Variants in RARB observed in about 807,000 individuals in gnomAD.
RARB encodes HBV-activated protein.
A neutral mutation model predicts 51.9 loss-of-function variants in RARB; 17 were observed. The observed-to-expected ratio is 0.33, with a 90% CI of 0.22 to 0.49. RARB has a LOEUF of 0.49. RARB is among the 20% of genes least tolerant of loss of function. The pLI is 0.99. For synonymous variants in RARB, 215 were observed against 195.4 expected, an observed-to-expected ratio of 1.10 and a Z score of -0.84; for missense variants, 369 against 550.8, an observed-to-expected ratio of 0.67 and a Z score of 3.30.
intron 3 of RARB, among the ~76,000 whole-genome samples, chr3:25,074,529 T>C: frequency 6.6e-6 from 1 of 152,278 alleles, no homozygotes; most frequent in Middle Eastern, 3.4e-3. Context: ...ATCTACATAG[T>C]TATCTTTGAC....
rs191113823 is a variant in RARB, at chr3:25,295,999, T to C, written c.178+121424T>C. On this transcript the variant is annotated intron_variant, in intron 5 of 11. Coordinates refer to the RARB transcript ENST00000383772. ...ATGTGTTTCTCAAAAGTGCATCTTG[T>C]TGGCTCAGTAAATTTTCATGGTTTT... 5.2e-3 allele frequency among the ~76,000 whole-genome samples: 788 copies of C among 152,340 alleles called. 19 individuals are homozygous for C. The highest frequency in any genetic ancestry group is 2.1e-3 in the Non-Finnish European group (141 of 68,028).
chr3:25,347,400 A>G (rs1054414047), intron 5 of RARB, among the ~76,000 whole-genome samples: 1 of 152,220 alleles, frequency 6.6e-6, no homozygotes, highest in South Asian at 2.1e-4. Context: ...TATCCCATCA[A>G]AAGGTAGTCA....
chr3:25,277,259 A>C (rs1703416028), intron 5 of RARB, among the ~76,000 whole-genome samples: 1 of 152,172 alleles, frequency 6.6e-6, no homozygotes, highest in African/African-American at 2.4e-5. Flanking sequence ...CAGATAGGCC[A>C]ACAAGAGCCA....
chr3:25,270,709 C>A (rs544678980), intron 5 of RARB, among the ~76,000 whole-genome samples: 1 of 152,298 alleles, frequency 6.6e-6, no homozygotes, highest in South Asian at 2.1e-4. Flanking sequence ...ATGATGTTCT[C>A]ACGGTATCCC....
intron 5 of RARB, among the ~76,000 whole-genome samples, chr3:25,395,398 A>G (rs1559383827): frequency 6.6e-6 from 1 of 152,114 alleles, no homozygotes; most frequent in Non-Finnish European, 1.5e-5. Context: ...TTTTTTTGCA[A>G]TGAATTTCCC....
chr3:25,169,328 G>A (rs1052977728), intron 4 of RARB, among the ~76,000 whole-genome samples: 1 of 152,194 alleles, frequency 6.6e-6, no homozygotes, highest in Non-Finnish European at 1.5e-5. Context: ...TAGGAAAGAA[G>A]CCAATCAGCC....
intron 5 of RARB, among the ~76,000 whole-genome samples, chr3:25,193,995 C>T (rs1336873525): frequency 3.3e-5 from 5 of 151,836 alleles, no homozygotes; most frequent in Non-Finnish European, 5.9e-5. Context: ...AGCCAAGATA[C>T]GGAAGCAGCC....
chr3:25,219,799 G>T (rs1459363651), intron 5 of RARB, among the ~76,000 whole-genome samples: 1 of 152,144 alleles, frequency 6.6e-6, no homozygotes, highest in Non-Finnish European at 1.5e-5. Context: ...CAGAATACAG[G>T]CTCCTACACA....
chr3:25,389,499 A>G (rs1232217323), intron 5 of RARB, among the ~76,000 whole-genome samples: 2 of 152,208 alleles, frequency 1.3e-5, no homozygotes, highest in Non-Finnish European at 2.9e-5. Flanking sequence ...GGACCAACTC[A>G]GCGGTGTTGC....
intron 2 of RARB, among the ~76,000 whole-genome samples, chr3:24,882,982 G>A (rs190648316): frequency 2.3e-4 from 35 of 152,172 alleles, no homozygotes; most frequent in Admixed American, 2.1e-3. Flanking sequence ...GTGGTGAGGC[G>A]AGATGTGATG....
At chr3:25,356,857 T>C (rs1705756710) in intron 5 of RARB, among the ~76,000 whole-genome samples, 1 of 152,212 alleles carries the variant, frequency 6.6e-6, no homozygotes, top group Non-Finnish European at 1.5e-5. Context: ...TTCTTTTTTA[T>C]GGCTGCATAG....
chr3:25,370,642 A>T (rs899894511), intron 5 of RARB, among the ~76,000 whole-genome samples: 1 of 152,214 alleles, frequency 6.6e-6, no homozygotes, highest in Non-Finnish European at 1.5e-5. Context: ...TGTGGGAAGT[A>T]GTTGCAGAAC....
chr3:25,327,827 T>G (rs1466881229), intron 5 of RARB, among the ~76,000 whole-genome samples: 1 of 152,226 alleles, frequency 6.6e-6, no homozygotes, highest in Non-Finnish European at 1.5e-5. Flanking sequence ...TCTGGTCTAT[T>G]TGACTATAGG....
intron 5 of RARB, among the ~76,000 whole-genome samples, chr3:25,359,477 A>T (rs1437196936): frequency 6.6e-6 from 1 of 150,780 alleles, no homozygotes; most frequent in Non-Finnish European, 1.5e-5. Context: ...TGTCTCTTTC[A>T]GTTCTGCTCT....
At chr3:25,055,525 C>T (rs1444416160) in intron 2 of RARB, among the ~76,000 whole-genome samples, 1 of 152,108 alleles carries the variant, frequency 6.6e-6, no homozygotes, top group Non-Finnish European at 1.5e-5. Context: ...TACAGGGTCT[C>T]TGGAAGAGTT....
Position 25,270,354 on chromosome 3 carries a change from A to G in RARB, c.178+95779A>G, listed in dbSNP as rs139707306. Reference sequence around the variant, plus strand: ...TACAATATGGTTGAACCTTAAGGACATTAAGTGAAATTAAGCCAGACACAA... The same window carrying G: ...TACAATATGGTTGAACCTTAAGGACGTTAAGTGAAATTAAGCCAGACACAA... On this transcript the variant is annotated intron_variant, in intron 5 of 11. Transcript: ENST00000383772. 1.5e-3 allele frequency among the ~76,000 whole-genome samples: 231 copies of G among 152,310 alleles called. 1 individual carries two copies. The highest frequency in any genetic ancestry group is 5.4e-3 in the African/African-American group (223 of 41,588).
intron 3 of RARB, among the ~76,000 whole-genome samples, chr3:25,124,386 T>G (rs1699830842): frequency 1.3e-5 from 2 of 152,162 alleles, no homozygotes; most frequent in Admixed American, 1.3e-4. Flanking sequence ...AGAAAGAAAT[T>G]GTGGATACAG....
chr3:25,449,861 C>T (rs1709114592), intron 1 of RARB, among the ~76,000 whole-genome samples: 1 of 152,012 alleles, frequency 6.6e-6, no homozygotes, highest in African/African-American at 2.4e-5. Flanking sequence ...AAGCAATTCT[C>T]CTGCCCCAGC....
At chr3:25,394,304 T>C (rs571024015) in intron 5 of RARB, among the ~76,000 whole-genome samples, 1 of 152,252 alleles carries the variant, frequency 6.6e-6, no homozygotes, top group East Asian at 1.9e-4. Flanking sequence ...CTGAGACTAA[T>C]TTTGTGACCT....
Sources: gnomAD v4.1 joint callset for allele counts (sites outside exome capture counted in the v4.1 genomes callset) on GRCh38, gnomAD v4.1.1 for gene constraint, MANE v1.5 for transcripts, NCBI Gene and HGNC (gene_info 2026-07-23, HGNC 2026-07-21) for gene names.